The following SGK1 variants were observed in gnomAD, a reference collection of about 807,000 sequenced individuals.
SGK1 encodes serine/threonine-protein kinase Sgk1.
Under a neutral mutation model 64.2 loss-of-function variants are expected in SGK1, and 26 were observed. The ratio of observed to expected loss-of-function variants is 0.40; its 90% CI spans 0.30 to 0.56. The LOEUF (loss-of-function observed/expected upper bound fraction) is 0.56. Ranked by LOEUF, SGK1 falls within the 20% of genes least tolerant of loss-of-function variation. SGK1 has a pLI of 0.38. For missense variants in SGK1, 519 were observed against 645.6 expected, an observed-to-expected ratio of 0.80 and a Z score of 2.12; for synonymous variants, 265 against 239.7, an observed-to-expected ratio of 1.11 and a Z score of -0.98.
intron 1 of SGK1, among the ~76,000 whole-genome samples, chr6:134,269,730 G>T (rs1382654927): frequency 6.8e-6 from 1 of 147,742 alleles, no homozygotes; most frequent in Non-Finnish European, 1.5e-5. Context: ...GTGCATGCTA[G>T]CAGGTTAGTT....
chr6:134,198,568 A>G (rs1290810352), intron 3 of SGK1, among the ~76,000 whole-genome samples: 1 of 151,966 alleles, frequency 6.6e-6, no homozygotes, highest in Non-Finnish European at 1.5e-5. Context: ...ATATCATTTT[A>G]TATATTCTCT....
chr6:134,175,377 G>T (rs1225914099), intron 3 of SGK1, among the ~76,000 whole-genome samples: 2 of 152,064 alleles, frequency 1.3e-5, no homozygotes, highest in Non-Finnish European at 2.9e-5. Context: ...ACCCTCCGGG[G>T]TTTATCCCTG....
intron 3 of SGK1, among the ~76,000 whole-genome samples, chr6:134,206,882 AAC>A (rs1306667904): frequency 4.9e-4 from 51 of 104,702 alleles, no homozygotes; most frequent in African/African-American, 1.4e-3. Flanking sequence ...AAAAAAAAAA[AAC>A]AAAAAAAAAA....
chr6:134,225,647 G>A (rs1222800794), intron 2 of SGK1, among the ~76,000 whole-genome samples: 1 of 152,098 alleles, frequency 6.6e-6, no homozygotes, highest in Non-Finnish European at 1.5e-5. Flanking sequence ...CATTATCTCA[G>A]CTGATCCTCA....
intron 3 of SGK1, among the ~76,000 whole-genome samples, chr6:134,190,724 T>A (rs1434281986): frequency 2.0e-5 from 3 of 152,232 alleles, no homozygotes; most frequent in Non-Finnish European, 4.4e-5. Flanking sequence ...CCCTCAGGAC[T>A]GCTATTCCTT....
At chr6:134,284,398 C>T (rs1188680364) in intron 1 of SGK1, among the ~76,000 whole-genome samples, 4 of 152,030 alleles carry the variant, frequency 2.6e-5, no homozygotes, top group African/African-American at 4.8e-5. Context: ...GCCGGCCCAT[C>T]ACATCAGTCT....
chr6:134,187,041 C>T lies in SGK1; in HGVS notation c.362-12455G>A, dbSNP rs1562244475. Among the ~76,000 whole-genome samples, 5 of 152,098 alleles carry T rather than the reference C, an allele frequency of 3.3e-5. No individual in the cohort carries two copies. In the South Asian group the frequency reaches 1.0e-3, roughly 32 times the overall value. On this transcript the variant is annotated intron_variant, in intron 3 of 13. Transcript: ENST00000367858. ...ATGTAGGTCAAGCTGGTCTCGAACT[C>T]CTAACCTCAAATGATCTGCTCGCCT...
rs543910070 is a variant in SGK1, at chr6:134,285,187, G to A, written c.70-23039C>T. Among the ~76,000 whole-genome samples, 25 of 152,054 alleles carry A rather than the reference G, an allele frequency of 1.6e-4. No individual in the cohort carries two copies. The Middle Eastern group carries it at 0.01, about 62-fold the overall frequency. On this transcript the variant is annotated intron_variant, in intron 1 of 13. Coordinates refer to ENST00000367858, the MANE Select transcript of SGK1 (RefSeq NM_001143676.3). ...AAAGTGCTCCCTTTTGGCTGGGCTC[G>A]GTGGCTCACGCCTGTAATCCCAGCA...
chr6:134,310,467 G>A (rs529510446), intron 1 of SGK1, among the ~76,000 whole-genome samples: 5 of 152,328 alleles, frequency 3.3e-5, no homozygotes, highest in South Asian at 2.1e-4. Flanking sequence ...AAAGGCATCC[G>A]TCTTACTCAC....
intron 2 of SGK1, among the ~76,000 whole-genome samples, chr6:134,255,061 G>A (rs1776660417): frequency 6.6e-6 from 1 of 152,024 alleles, no homozygotes; most frequent in African/African-American, 2.4e-5. Flanking sequence ...GTAGAGACAG[G>A]GTTTCACCAT....
chr6:134,173,554 GAGA>G lies in SGK1; in HGVS notation c.523_525del (p.Ser175del), dbSNP rs765178181. On this transcript the variant is annotated inframe_deletion, in exon 6 of 14. Coordinates refer to ENST00000367858, the MANE Select transcript of SGK1 (RefSeq NM_001143676.3). Reference sequence around the variant, plus strand: ...GACGACGGGCCAAGGTTGATTTGCTGAGAAGGACTTGGCTAGAAAAAAAAAAAA... The same window carrying G: ...GACGACGGGCCAAGGTTGATTTGCTGAGGACTTGGCTAGAAAAAAAAAAAA... 18 of 1,597,010 alleles carry G rather than the reference GAGA, an allele frequency of 1.1e-5. No individual in the cohort carries two copies. The highest frequency in any genetic ancestry group is 8.1e-5 in the African/African-American group (6 of 73,626).
chr6:134,188,186 G>A (rs931112427), intron 3 of SGK1, among the ~76,000 whole-genome samples: 2 of 152,078 alleles, frequency 1.3e-5, no homozygotes, highest in African/African-American at 2.4e-5. Flanking sequence ...GTCACCCTTT[G>A]CTGAGAATTC....
intron 1 of SGK1, among the ~76,000 whole-genome samples, chr6:134,280,949 A>G (rs1464040296): frequency 6.6e-6 from 1 of 152,086 alleles, no homozygotes; most frequent in Non-Finnish European, 1.5e-5. Context: ...TGCACCAGTA[A>G]CCCCAGCTAC....
At chr6:134,262,225 C>A in intron 1 of SGK1, 77 bp from the exon 2 acceptor site, 1 of 1,069,474 alleles carries the variant, frequency 9.4e-7, no homozygotes, top group Non-Finnish European at 1.4e-6. Flanking sequence ...GGTGGGAAAT[C>A]TGGTGGGATG....
intron 1 of SGK1, among the ~76,000 whole-genome samples, chr6:134,292,145 T>C (rs928319398): frequency 6.6e-6 from 1 of 152,030 alleles, no homozygotes; most frequent in Non-Finnish European, 1.5e-5. Flanking sequence ...TTTGTAGAAA[T>C]TGTACACTCT....
chr6:134,222,337 C>CTT (rs754592511), intron 2 of SGK1, among the ~76,000 whole-genome samples: 11 of 139,602 alleles, frequency 7.9e-5, no homozygotes, highest in African/African-American at 1.6e-4. Context: ...GAAAAAATTG[C>CTT]TTTTTTTTTT....
rs1437507233 is a variant in SGK1 at position 134,271,287 on chromosome 6, C to G, written c.70-9139G>C. Among the ~76,000 whole-genome samples the G allele has an allele frequency of 2.3e-5, 3 of 128,122 alleles. 1 individual carries two copies. The highest frequency in any genetic ancestry group is 5.5e-5 in the Non-Finnish European group (3 of 54,552). 84.1% of individuals were successfully genotyped at this position (128,122 alleles called of 152,430 possible). Reference sequence around the variant, plus strand: ...TGAGCCGAGATTGCACCACTAGACTCCAGTCTGCAGAGTGAAACTGTCTCA... The same window carrying G: ...TGAGCCGAGATTGCACCACTAGACTGCAGTCTGCAGAGTGAAACTGTCTCA... On this transcript the variant is annotated intron_variant, in intron 1 of 13. Coordinates refer to ENST00000367858, the MANE Select transcript of SGK1 (RefSeq NM_001143676.3).
At chr6:134,187,749 A>T (rs1775446826) in intron 3 of SGK1, among the ~76,000 whole-genome samples, 1 of 152,194 alleles carries the variant, frequency 6.6e-6, no homozygotes. Context: ...GGGATAGGGC[A>T]TTCTGGGAGT....
chr6:134,211,237 A>T (rs76825048), intron 2 of SGK1, among the ~76,000 whole-genome samples: 4,949 of 152,336 alleles, frequency 0.032, 264 homozygotes, highest in African/African-American at 0.11. Context: ...AGAAAGGAAC[A>T]GAAGACATTT....
Sources: gnomAD v4.1 joint callset for allele counts (sites outside exome capture counted in the v4.1 genomes callset) on GRCh38, gnomAD v4.1.1 for gene constraint, MANE v1.5 for transcripts, NCBI Gene and HGNC (gene_info 2026-07-23, HGNC 2026-07-21) for gene names.